Variants in MSI2 observed in about 807,000 individuals in gnomAD.
MSI2 encodes RNA-binding protein Musashi homolog 2.
A neutral mutation model predicts 45.6 loss-of-function variants in MSI2; 17 were observed. That is an observed-to-expected ratio of 0.37 (90% CI 0.26 to 0.56). The LOEUF is 0.56. MSI2 is among the 20% of genes least tolerant of loss of function. MSI2 has a pLI of 0.77. For synonymous variants in MSI2, 156 were observed against 158.2 expected (o/e 0.99, Z 0.11); for missense variants, 293 against 444.2 (o/e 0.66, Z 3.06).
intron 5 of MSI2, among the ~76,000 whole-genome samples, chr17:57,295,515 G>T (rs1215441745): frequency 6.6e-6 from 1 of 152,022 alleles, no homozygotes; most frequent in Non-Finnish European, 1.5e-5. Flanking sequence ...ATACAGGTGC[G>T]GTAGGTTGAG....
chr17:57,577,747 C>T (rs1304130638), intron 7 of MSI2, among the ~76,000 whole-genome samples: 1 of 152,200 alleles, frequency 6.6e-6, no homozygotes, highest in Non-Finnish European at 1.5e-5. Flanking sequence ...TTAAGCTGTT[C>T]AGAAGCACAG....
At chr17:57,674,277 G>T (rs1417670336) in intron 11 of MSI2, among the ~76,000 whole-genome samples, 1 of 149,956 alleles carries the variant, frequency 6.7e-6, no homozygotes, top group Non-Finnish European at 1.5e-5. Flanking sequence ...GTGGGGAGGG[G>T]CGGGTGGTGG....
intron 6 of MSI2, among the ~76,000 whole-genome samples, chr17:57,409,541 G>A (rs1424867708): frequency 6.6e-6 from 1 of 152,196 alleles, no homozygotes; most frequent in Non-Finnish European, 1.5e-5. Context: ...GGCAAAGTGG[G>A]ATTTGATTTG....
intron 6 of MSI2, chr17:57,449,485 A>G (rs1395788181): frequency 2.0e-5 from 3 of 152,204 alleles, no homozygotes; most frequent in African/African-American, 7.2e-5. Flanking sequence ...AGGGTCTGTT[A>G]GCGGATGGTA....
chr17:57,676,466 G>A (rs16942160), intron 12 of MSI2, among the ~76,000 whole-genome samples: 13,528 of 152,236 alleles, frequency 0.089, 854 homozygotes, highest in Admixed American at 0.21. Flanking sequence ...TTAGGGGACC[G>A]TCTATCACCA....
intron 5 of MSI2, among the ~76,000 whole-genome samples, chr17:57,380,277 T>C (rs553712944): frequency 3.3e-5 from 5 of 152,308 alleles, no homozygotes; most frequent in African/African-American, 9.6e-5. Flanking sequence ...ACGTCTGGAA[T>C]TGGTCCATGC....
chr17:57,525,273 G>C (rs772081244), intron 6 of MSI2, among the ~76,000 whole-genome samples: 4 of 151,422 alleles, frequency 2.6e-5, no homozygotes, highest in Non-Finnish European at 4.4e-5. Flanking sequence ...TTGCTTTTTT[G>C]GGGGGGGCAG....
intron 6 of MSI2, among the ~76,000 whole-genome samples, chr17:57,480,880 C>T (rs2085635457): frequency 6.6e-6 from 1 of 152,068 alleles, no homozygotes; most frequent in Non-Finnish European, 1.5e-5. Context: ...TAGCCTTGGC[C>T]CTAAATATGA....
intron 5 of MSI2, among the ~76,000 whole-genome samples, chr17:57,346,010 G>A (rs1598151371): frequency 6.6e-6 from 1 of 152,080 alleles, no homozygotes; most frequent in Admixed American, 6.5e-5. Flanking sequence ...TGAACAAGAC[G>A]GAGAAAGAGA....
At chr17:57,576,621 G>C (rs1368210925) in intron 7 of MSI2, among the ~76,000 whole-genome samples, 2 of 152,086 alleles carry the variant, frequency 1.3e-5, no homozygotes, top group African/African-American at 2.4e-5. Context: ...TGGCACGGTG[G>C]TGCATGCCTG....
rs530687096 is a variant in MSI2, at chr17:57,340,376, C to T, written c.313-61003C>T. On this transcript the variant is annotated intron_variant, in intron 5 of 13. Transcript: ENST00000284073. ...CCCAGAGCCTCCACTTCTGCATCTG[C>T]AGAATGGAGGTACAGTGTCAACACT... Among the ~76,000 whole-genome samples, 16 of 152,322 alleles carry T rather than the reference C, an allele frequency of 1.1e-4. No individual in the cohort carries two copies. In the South Asian group the frequency reaches 3.3e-3, roughly 32 times the overall value.
chr17:57,628,440 TG>T (rs1217303195), intron 10 of MSI2: 2 of 152,150 alleles, frequency 1.3e-5, no homozygotes, highest in African/African-American at 2.4e-5. Flanking sequence ...AGGAGGCATT[TG>T]GGGGCACCTA....
chr17:57,574,731 A>G (rs2087970471), intron 7 of MSI2, among the ~76,000 whole-genome samples: 3 of 151,946 alleles, frequency 2.0e-5, no homozygotes, highest in South Asian at 2.1e-4. Context: ...TCTTCTACCA[A>G]CTACTGTGGA....
At chr17:57,604,876 C>CA (rs538548771) in intron 8 of MSI2, among the ~76,000 whole-genome samples, 92 of 151,384 alleles carry the variant, frequency 6.1e-4, no homozygotes, top group Middle Eastern at 3.4e-3. Context: ...ATTGGCTCAC[C>CA]CCCCCACTCC....
At chr17:57,454,188 C>T (rs763493716) in intron 6 of MSI2, among the ~76,000 whole-genome samples, 2 of 152,274 alleles carry the variant, frequency 1.3e-5, no homozygotes, top group East Asian at 1.9e-4. Context: ...TGATGGAGCT[C>T]GGGGCGGAGT....
intron 5 of MSI2, among the ~76,000 whole-genome samples, chr17:57,393,768 G>T (rs924714061): frequency 1.3e-5 from 2 of 152,062 alleles, no homozygotes; most frequent in Admixed American, 6.6e-5. Flanking sequence ...TGTAACCTCC[G>T]CCTCCCGGGT....
intron 9 of MSI2, among the ~76,000 whole-genome samples, chr17:57,621,560 T>TA (rs1908292412): frequency 6.6e-6 from 1 of 152,228 alleles, no homozygotes; most frequent in Non-Finnish European, 1.5e-5. Context: ...GTGAGGAGTC[T>TA]GAGACAACCA....
intron 5 of MSI2, among the ~76,000 whole-genome samples, chr17:57,367,902 G>A (rs1273649063): frequency 1.3e-5 from 2 of 152,096 alleles, no homozygotes; most frequent in Non-Finnish European, 2.9e-5. Context: ...GGAGGGTGCC[G>A]CAAGTTCTCT....
At chr17:57,356,281 C>CT (rs1047278153) in intron 5 of MSI2, among the ~76,000 whole-genome samples, 1 of 152,154 alleles carries the variant, frequency 6.6e-6, no homozygotes, top group Non-Finnish European at 1.5e-5. Flanking sequence ...TGCATAACTT[C>CT]TTTTTTGGCG....
Sources: gnomAD v4.1 joint callset for allele counts (sites outside exome capture counted in the v4.1 genomes callset) on GRCh38, gnomAD v4.1.1 for gene constraint, MANE v1.5 for transcripts, NCBI Gene and HGNC (gene_info 2026-07-23, HGNC 2026-07-21) for gene names.